TSHZ2: variants seen among roughly 807,000 people sequenced by gnomAD.
TSHZ2 encodes teashirt homolog 2.
Under a neutral mutation model 74.4 loss-of-function variants are expected in TSHZ2, and 21 were observed. The ratio of observed to expected loss-of-function variants is 0.28; its 90% CI spans 0.20 to 0.41. The LOEUF is 0.41. TSHZ2 is among the 10% of genes least tolerant of loss of function. The probability of loss-of-function intolerance (pLI) is 1.00; values close to 1 mark genes in which losing one functional copy is unlikely to be tolerated. For synonymous variants in TSHZ2, 540 were observed against 515.3 expected (o/e 1.05, Z -0.65); for missense variants, 1,244 against 1,293.5 (o/e 0.96, Z 0.59).
chr20:53,228,778 C>T (rs1214177239), intron 1 of TSHZ2, among the ~76,000 whole-genome samples: 3 of 151,720 alleles, frequency 2.0e-5, no homozygotes, highest in African/African-American at 7.3e-5. Flanking sequence ...GCACCACCTC[C>T]CGAGTTGAGA....
At chr20:53,190,300 T>G (rs1179910422) in intron 1 of TSHZ2, among the ~76,000 whole-genome samples, 1 of 151,090 alleles carries the variant, frequency 6.6e-6, no homozygotes, top group Admixed American at 6.6e-5. Flanking sequence ...ACCAGTTGTT[T>G]CCTTGCGAGC....
chr20:53,276,046 C>T (rs566807569), intron 2 of TSHZ2, among the ~76,000 whole-genome samples: 24 of 152,258 alleles, frequency 1.6e-4, no homozygotes, highest in African/African-American at 5.3e-4. Context: ...AGAAATGTAC[C>T]GTCTCATCCA....
intron 2 of TSHZ2, among the ~76,000 whole-genome samples, chr20:53,485,197 A>C (rs1292079728): frequency 2.0e-5 from 3 of 152,242 alleles, no homozygotes; most frequent in East Asian, 3.8e-4. Context: ...GCATACAGAA[A>C]AGCTTGAAAC....
At chr20:53,229,813 GA>G (rs908950868) in intron 1 of TSHZ2, among the ~76,000 whole-genome samples, 1 of 146,104 alleles carries the variant, frequency 6.8e-6, no homozygotes, top group African/African-American at 2.5e-5. Flanking sequence ...AGGAAGGAAG[GA>G]AAAAAAGAGG....
At chr20:53,341,059 C>A (rs1980179183) in intron 2 of TSHZ2, among the ~76,000 whole-genome samples, 1 of 152,202 alleles carries the variant, frequency 6.6e-6, no homozygotes, top group African/African-American at 2.4e-5. Flanking sequence ...CAGGCCAAGA[C>A]TTTATTGACC....
intron 2 of TSHZ2, among the ~76,000 whole-genome samples, chr20:53,302,067 T>G (rs1365953593): frequency 6.6e-6 from 1 of 152,204 alleles, no homozygotes; most frequent in East Asian, 1.9e-4. Flanking sequence ...TTGGCATCGC[T>G]TAATCCTTTT....
At chr20:53,294,271 AACCTAGC>A (rs1991335810) in intron 2 of TSHZ2, among the ~76,000 whole-genome samples, 1 of 152,236 alleles carries the variant, frequency 6.6e-6, no homozygotes. Flanking sequence ...GTTAGTGCCG[AACCTAGC>A]ACTGTGGTAG....
intron 2 of TSHZ2, among the ~76,000 whole-genome samples, chr20:53,291,808 C>A (rs1302636418): frequency 6.6e-6 from 1 of 152,174 alleles, no homozygotes; most frequent in Non-Finnish European, 1.5e-5. Context: ...TCACAGCACA[C>A]TCTTCTGAAT....
At chr20:53,323,543 G>A (rs976811903) in intron 2 of TSHZ2, among the ~76,000 whole-genome samples, 11 of 84,602 alleles carry the variant, frequency 1.3e-4, no homozygotes, top group Non-Finnish European at 2.5e-4. Flanking sequence ...AAAGCCACCC[G>A]TTTTCATTGC....
intron 1 of TSHZ2, among the ~76,000 whole-genome samples, chr20:53,048,373 C>A (rs1404527439): frequency 2.6e-5 from 4 of 152,266 alleles, no homozygotes; most frequent in African/African-American, 9.6e-5. Context: ...TTCAAAATCA[C>A]GAATAATTGT....
intron 1 of TSHZ2, among the ~76,000 whole-genome samples, chr20:53,025,117 A>G (rs964367320): frequency 3.3e-5 from 5 of 151,704 alleles, no homozygotes; most frequent in African/African-American, 4.8e-5. Flanking sequence ...AGATATAAAA[A>G]TTAAGTTTAT....
intron 1 of TSHZ2, among the ~76,000 whole-genome samples, chr20:53,113,687 C>G (rs1404819650): frequency 6.6e-6 from 1 of 152,198 alleles, no homozygotes; most frequent in Non-Finnish European, 1.5e-5. Flanking sequence ...AGAATTGACT[C>G]TGAGTGTGTC....
At chr20:53,266,493 C>T (rs972659368) in intron 2 of TSHZ2, among the ~76,000 whole-genome samples, 1 of 152,184 alleles carries the variant, frequency 6.6e-6, no homozygotes, top group Non-Finnish European at 1.5e-5. Context: ...ACAGTTTGTT[C>T]TCTCAATGCA....
intron 2 of TSHZ2, among the ~76,000 whole-genome samples, chr20:53,311,944 G>A (rs1978808514): frequency 6.6e-6 from 1 of 152,100 alleles, no homozygotes; most frequent in Admixed American, 6.5e-5. Flanking sequence ...AGCTGGGTAT[G>A]GTGGCACATG....
chr20:53,484,041 T>C (rs1986227959), intron 2 of TSHZ2, among the ~76,000 whole-genome samples: 1 of 152,228 alleles, frequency 6.6e-6, no homozygotes, highest in African/African-American at 2.4e-5. Context: ...CATTGCAGTT[T>C]CCAAAAGTCC....
intron 2 of TSHZ2, among the ~76,000 whole-genome samples, chr20:53,297,032 T>C (rs1991392277): frequency 6.6e-6 from 1 of 152,204 alleles, no homozygotes; most frequent in Admixed American, 6.5e-5. Flanking sequence ...TTACATCCCC[T>C]CACAGTACCC....
At chr20:53,060,133 C>G (rs1488288039) in intron 1 of TSHZ2, among the ~76,000 whole-genome samples, 1 of 152,178 alleles carries the variant, frequency 6.6e-6, no homozygotes, top group African/African-American at 2.4e-5. Context: ...ACACACAAAA[C>G]AGGTCACTTT....
chr20:53,289,437 G>A (rs1991239201), intron 2 of TSHZ2, among the ~76,000 whole-genome samples: 1 of 152,074 alleles, frequency 6.6e-6, no homozygotes, highest in East Asian at 1.9e-4. Flanking sequence ...CACCAGCAGT[G>A]TTAAAGTGTT....
intron 1 of TSHZ2, among the ~76,000 whole-genome samples, chr20:53,251,536 T>G (rs999175529): frequency 7.9e-5 from 12 of 152,222 alleles, no homozygotes; most frequent in African/African-American, 2.7e-4. Flanking sequence ...AATGGTTTTT[T>G]GACTAGATTG....
Sources: gnomAD v4.1 joint callset for allele counts (sites outside exome capture counted in the v4.1 genomes callset) on GRCh38, gnomAD v4.1.1 for gene constraint, MANE v1.5 for transcripts, NCBI Gene and HGNC (gene_info 2026-07-23, HGNC 2026-07-21) for gene names.